Variants in LSAMP observed in about 807,000 individuals in gnomAD.
LSAMP encodes the protein limbic system-associated membrane protein.
A neutral mutation model predicts 38.6 loss-of-function variants in LSAMP; 7 were observed. That is an observed-to-expected ratio of 0.18 (90% CI 0.10 to 0.34). LSAMP has a LOEUF of 0.34. LSAMP is among the 10% of genes least tolerant of loss of function. The pLI is 1.00. For synonymous variants in LSAMP, 154 were observed against 166.8 expected, an observed-to-expected ratio of 0.92 and a Z score of 0.59; for missense variants, 313 against 420.0, an observed-to-expected ratio of 0.75 and a Z score of 2.23.
chr3:116,084,367 G>A (rs1159128162), intron 2 of LSAMP, among the ~76,000 whole-genome samples: 2 of 149,188 alleles, frequency 1.3e-5, no homozygotes, highest in Non-Finnish European at 3.0e-5. Flanking sequence ...AAAAAAAAAA[G>A]AGGAACATTG....
At chr3:116,390,202 T>G (rs549614744) in intron 1 of LSAMP, among the ~76,000 whole-genome samples, 21 of 152,084 alleles carry the variant, frequency 1.4e-4, no homozygotes, top group African/African-American at 5.1e-4. Flanking sequence ...GATAGCAACC[T>G]GGTGCCAAAC....
intron 2 of LSAMP, among the ~76,000 whole-genome samples, chr3:116,064,722 C>T (rs1447192764): frequency 6.6e-6 from 1 of 152,134 alleles, no homozygotes; most frequent in Non-Finnish European, 1.5e-5. Flanking sequence ...TTAATGGTTA[C>T]ATACACACAC....
chr3:116,336,773 T>C (rs2047924927), intron 1 of LSAMP, among the ~76,000 whole-genome samples: 1 of 151,786 alleles, frequency 6.6e-6, no homozygotes. Context: ...CATATGAAAA[T>C]GCAATTCCAC....
Position 116,415,538 on chromosome 3 carries a change from T to C in LSAMP, c.155+29339A>G, listed in dbSNP as rs2049038537. ...ACAAAATGATCTAGAGGAGGGAGAC[T>C]GTTCTCTTTGGTACAGTGGCAGGAA... is the stretch of plus-strand genomic sequence containing the variant. On this transcript the variant is annotated intron_variant, in intron 1 of 6. Coordinates refer to ENST00000490035, the MANE Select transcript of LSAMP (RefSeq NM_002338.5). Among the ~76,000 whole-genome samples, 4 of 152,264 alleles carry C rather than the reference T, an allele frequency of 2.6e-5. No individual in the cohort carries two copies. In the East Asian group the frequency reaches 7.7e-4, roughly 29 times the overall value.
chr3:116,275,502 C>T (rs7648964), intron 1 of LSAMP, among the ~76,000 whole-genome samples: 150,253 of 152,316 alleles, frequency 0.99, 74,155 homozygotes, highest in Middle Eastern at 1. Context: ...TTAAAAGAAA[C>T]GTTATTTACC....
chr3:115,837,293 A>AC (rs1934820187), intron 6 of LSAMP, among the ~76,000 whole-genome samples: 1 of 149,800 alleles, frequency 6.7e-6, no homozygotes, highest in South Asian at 2.1e-4. Context: ...CCCAGTGTAG[A>AC]TTTTTTTTTT....
intron 1 of LSAMP, among the ~76,000 whole-genome samples, chr3:116,378,599 T>A (rs1234817316): frequency 6.6e-6 from 1 of 152,116 alleles, no homozygotes; most frequent in African/African-American, 2.4e-5. Context: ...TTGATGGTCT[T>A]CTATGTCTTG....
At chr3:116,165,435 G>A (rs529127698) in intron 1 of LSAMP, among the ~76,000 whole-genome samples, 1 of 152,278 alleles carries the variant, frequency 6.6e-6, no homozygotes, top group South Asian at 2.1e-4. Context: ...CCCCCACCTA[G>A]TGGAGCAATT....
intron 1 of LSAMP, among the ~76,000 whole-genome samples, chr3:116,101,335 G>C (rs551359149): frequency 3.6e-4 from 54 of 152,108 alleles, no homozygotes; most frequent in Non-Finnish European, 5.7e-4. Context: ...TACTCCTCTA[G>C]GTCTAGAAAA....
At chr3:115,994,847 T>C (rs1301152782) in intron 3 of LSAMP, among the ~76,000 whole-genome samples, 1 of 152,064 alleles carries the variant, frequency 6.6e-6, no homozygotes, top group Non-Finnish European at 1.5e-5. Context: ...AGAGATTTGG[T>C]TGATAACAGG....
intron 1 of LSAMP, among the ~76,000 whole-genome samples, chr3:116,127,476 AAAG>A (rs751188574): frequency 2.0e-5 from 3 of 152,190 alleles, no homozygotes; most frequent in Non-Finnish European, 4.4e-5. Flanking sequence ...AGGACAGAAA[AAAG>A]AAGATAAACA....
In LSAMP at chr3:115,821,433, G is replaced by A. The variant is rs940910621; in HGVS notation, c.920-11019C>T. Among the ~76,000 whole-genome samples, 3 of 152,156 alleles carry A rather than the reference G, an allele frequency of 2.0e-5. No homozygotes were observed. In the South Asian group the frequency reaches 6.2e-4, roughly 32 times the overall value. The stretch of plus-strand genomic sequence containing the variant: ...TATAAGAGTTCATTTGCATTCACAT[G>A]TAGGTAACGTAGAGTTTGGGGAGTT... On this transcript the variant is annotated intron_variant, in intron 6 of 6. Transcript: ENST00000490035.
intron 3 of LSAMP, among the ~76,000 whole-genome samples, chr3:115,891,335 C>T (rs571409350): frequency 6.6e-6 from 1 of 152,138 alleles, no homozygotes; most frequent in Admixed American, 6.6e-5. Flanking sequence ...AATGGGCATG[C>T]ACACTGGAGC....
At chr3:115,929,551 T>C (rs1042327873) in intron 3 of LSAMP, among the ~76,000 whole-genome samples, 2 of 152,096 alleles carry the variant, frequency 1.3e-5, no homozygotes, top group Non-Finnish European at 2.9e-5. Flanking sequence ...AAAATACACA[T>C]CAAACAGGGA....
chr3:116,219,022 A>C (rs1289221341), intron 1 of LSAMP, among the ~76,000 whole-genome samples: 1 of 152,210 alleles, frequency 6.6e-6, no homozygotes, highest in African/African-American at 2.4e-5. Context: ...GCTTACTATA[A>C]GTACCATATC....
chr3:116,258,772 T>A (rs1372510127), intron 1 of LSAMP, among the ~76,000 whole-genome samples: 1 of 152,144 alleles, frequency 6.6e-6, no homozygotes, highest in Admixed American at 6.5e-5. Flanking sequence ...TATTTTCAGA[T>A]AGGCACATAC....
At chr3:115,849,101 C>T (rs1293501561) in intron 4 of LSAMP, among the ~76,000 whole-genome samples, 1 of 152,168 alleles carries the variant, frequency 6.6e-6, no homozygotes, top group African/African-American at 2.4e-5. Context: ...AAGAAATTAA[C>T]AGCTACATTG....
intron 1 of LSAMP, among the ~76,000 whole-genome samples, chr3:116,204,943 T>G (rs369887985): frequency 6.9e-6 from 1 of 144,544 alleles, no homozygotes; most frequent in Non-Finnish European, 1.5e-5. Flanking sequence ...GTGAAGAAAG[T>G]CATTGGTAGC....
rs561066649 is a variant in LSAMP at position 115,803,202 on chromosome 3, G to A, written c.*7115C>T. On this transcript the variant is annotated 3_prime_UTR_variant, in exon 7 of 7. Coordinates refer to ENST00000490035, the MANE Select transcript of LSAMP (RefSeq NM_002338.5). ...ACTTCTGAAATGACCATGAAAACGG[G>A]GAGTTGTCCCATGGACAGGTCATTC... is the stretch of plus-strand genomic sequence containing the variant. The A allele has an allele frequency of 3.3e-5, 5 of 152,190 alleles. No homozygotes were observed. Among genetic ancestry groups the A allele is most frequent in the Non-Finnish European group, 5.9e-5 (4 of 68,042 alleles). The allele number at this position is 152,190 out of a possible 1,614,324, so 9.4% of individuals were successfully genotyped here.
Sources: allele counts gnomAD v4.1 joint callset (sites outside exome capture counted in the v4.1 genomes callset), GRCh38; gene constraint gnomAD v4.1.1; transcripts MANE v1.5; gene names NCBI Gene and HGNC (gene_info 2026-07-23, HGNC 2026-07-21).